ZNF536: variants seen among roughly 807,000 people sequenced by gnomAD.
The protein encoded by ZNF536 is zinc finger protein 536.
A neutral mutation model predicts 84.5 loss-of-function variants in ZNF536; 13 were observed. The ratio of observed to expected loss-of-function variants is 0.15; its 90% CI spans 0.10 to 0.24. ZNF536 has a LOEUF of 0.24. Ranked by LOEUF, ZNF536 falls within the 10% of genes least tolerant of loss-of-function variation. The pLI is 1.00. For missense variants in ZNF536, 1,536 were observed against 1,747.5 expected, an observed-to-expected ratio of 0.88 and a Z score of 2.16; for synonymous variants, 811 against 742.5, an observed-to-expected ratio of 1.09 and a Z score of -1.50.
At chr19:30,478,004 G>A (rs1020864750) in intron 2 of ZNF536, among the ~76,000 whole-genome samples, 5 of 152,082 alleles carry the variant, frequency 3.3e-5, no homozygotes, top group African/African-American at 9.7e-5. Context: ...GATTGAGGAC[G>A]GGGTGGGATC....
At chr19:30,420,111 A>T (rs147256218) in intron 1 of ZNF536, among the ~76,000 whole-genome samples, 35 of 152,308 alleles carry the variant, frequency 2.3e-4, no homozygotes, top group African/African-American at 8.4e-4. Flanking sequence ...GTCACGGGGA[A>T]CTGCTTGTGC....
At chr19:30,697,083 G>C (rs2051691937) in intron 1 of ZNF536, among the ~76,000 whole-genome samples, 2 of 152,200 alleles carry the variant, frequency 1.3e-5, no homozygotes, top group Non-Finnish European at 2.9e-5. Flanking sequence ...GAAACTTACA[G>C]TCATGGCGTA....
chr19:30,581,940 TAAAACAAAACAAAAAC>T (rs1467722326), intron 1 of ZNF536, among the ~76,000 whole-genome samples: 1 of 151,904 alleles, frequency 6.6e-6, no homozygotes, highest in African/African-American at 2.4e-5. Flanking sequence ...CTCCTCTGTG[TAAAACAAAACAAAAAC>T]AAAACAAAAC....
chr19:30,645,251 G>T (rs2049421465), intron 1 of ZNF536, among the ~76,000 whole-genome samples: 2 of 152,142 alleles, frequency 1.3e-5, no homozygotes, highest in Non-Finnish European at 2.9e-5. Context: ...GGAGTTCATT[G>T]TAGATTCTGG....
chr19:30,610,636 G>C (rs1380694851), intron 1 of ZNF536, among the ~76,000 whole-genome samples: 3 of 152,144 alleles, frequency 2.0e-5, no homozygotes, highest in Non-Finnish European at 4.4e-5. Context: ...GACAAACTCA[G>C]TTTCTAGGCT....
intron 1 of ZNF536, among the ~76,000 whole-genome samples, chr19:30,423,777 G>A (rs984786352): frequency 2.0e-5 from 3 of 152,236 alleles, no homozygotes; most frequent in East Asian, 1.9e-4. Context: ...AGCAAGGCTG[G>A]CAGTGACAGC....
chr19:30,352,014 A>G (rs2047947131), intron 2 of ZNF536, among the ~76,000 whole-genome samples: 1 of 152,234 alleles, frequency 6.6e-6, no homozygotes, highest in Admixed American at 6.5e-5. Flanking sequence ...CTTCAGGTGT[A>G]AATAGCATTA....
chr19:30,700,201 CTTCTTTCTTTCCTTCT>C (rs1205313526), intron 1 of ZNF536, among the ~76,000 whole-genome samples: 39 of 82,760 alleles, frequency 4.7e-4, no homozygotes, highest in African/African-American at 1.3e-3. Flanking sequence ...TCTTTCTTTC[CTTCTTTCTTTCCTTCT>C]TTCTTTCTTT....
chr19:30,698,765 C>T (rs748030463), intron 1 of ZNF536, among the ~76,000 whole-genome samples: 5 of 152,312 alleles, frequency 3.3e-5, no homozygotes, highest in South Asian at 4.1e-4. Flanking sequence ...GGTTTCTCCA[C>T]GGAAGTTACT....
intron 1 of ZNF536, among the ~76,000 whole-genome samples, chr19:30,416,059 C>T (rs1370911292): frequency 6.6e-6 from 1 of 152,158 alleles, no homozygotes; most frequent in Non-Finnish European, 1.5e-5. Flanking sequence ...TTCACATGAT[C>T]TTTCATGTCA....
At chr19:30,517,283 G>T (rs991921581) in intron 2 of ZNF536, among the ~76,000 whole-genome samples, 1 of 152,164 alleles carries the variant, frequency 6.6e-6, no homozygotes, top group Non-Finnish European at 1.5e-5. Flanking sequence ...TAGTCTGGAG[G>T]CTTCTGCCTT....
rs548828018 is a variant in ZNF536, at chr19:30,590,825, A to G, written c.169+41311A>G. Among the ~76,000 whole-genome samples the G allele has an allele frequency of 8.0e-4, 122 of 152,312 alleles. 1 individual carries two copies. Among genetic ancestry groups the G allele is most frequent in the African/African-American group, 2.6e-3 (107 of 41,580 alleles). On this transcript the variant is annotated intron_variant, in intron 1 of 1. Coordinates refer to the ZNF536 transcript ENST00000592773. ...TGTTTGTTTTCTGTGGTTCCCATTT[A>G]TAAAACAAAGCCTCTTAGATGTCCA...
intron 1 of ZNF536, among the ~76,000 whole-genome samples, chr19:30,396,422 A>G (rs907230811): frequency 2.6e-5 from 4 of 152,088 alleles, no homozygotes; most frequent in African/African-American, 7.2e-5. Flanking sequence ...GCTTTTGGCA[A>G]TTTCTTTAGA....
At chr19:30,682,083 A>G (rs2147830637) in intron 1 of ZNF536, among the ~76,000 whole-genome samples, 1 of 152,300 alleles carries the variant, frequency 6.6e-6, no homozygotes, top group East Asian at 1.9e-4. Flanking sequence ...TGGCCCAGGA[A>G]GGAGAACAAC....
intron 1 of ZNF536, among the ~76,000 whole-genome samples, chr19:30,575,227 A>G (rs1337322355): frequency 3.3e-5 from 5 of 152,256 alleles, no homozygotes; most frequent in Non-Finnish European, 5.9e-5. Flanking sequence ...GAAATGCACA[A>G]AAACAGCCAG....
chr19:30,445,833 G>T lies in ZNF536; in HGVS notation c.2170+101G>T. ...CCTCCAGTCAGTTCCAAGGCCAGTG[G>T]GTCTTGATTGAGGACAGGGGTGGGT... On this transcript the variant is annotated intron_variant, in intron 2 of 4. Coordinates refer to ENST00000355537, the MANE Select transcript of ZNF536 (RefSeq NM_014717.3). The surrounding 1 kb of genome is among the most constrained non-coding windows in gnomAD (Gnocchi z 4.5). 6.9e-7 allele frequency: 1 copy of T among 1,450,088 alleles called. No homozygotes were observed. Among genetic ancestry groups the T allele is most frequent in the Non-Finnish European group, 9.1e-7 (1 of 1,093,580 alleles). The allele number at this position is 1,450,088 out of a possible 1,614,324, so 89.8% of individuals were successfully genotyped here.
intron 1 of ZNF536, among the ~76,000 whole-genome samples, chr19:30,597,976 C>T (rs1197552091): frequency 6.6e-6 from 1 of 152,086 alleles, no homozygotes; most frequent in Non-Finnish European, 1.5e-5. Context: ...TTGTTGCATG[C>T]ATGTTGTTAT....
chr19:30,625,993 A>G (rs545399814), intron 1 of ZNF536, among the ~76,000 whole-genome samples: 49 of 152,318 alleles, frequency 3.2e-4, no homozygotes, highest in African/African-American at 1.2e-3. Flanking sequence ...TGTGGGCAAG[A>G]GGTTATATTG....
In ZNF536 at chr19:30,656,510, C is replaced by T. The variant is rs143433516; in HGVS notation, c.170-54247C>T. 2.2e-4 allele frequency among the ~76,000 whole-genome samples: 33 copies of T among 152,314 alleles called. 1 individual carries two copies. In the South Asian group the frequency reaches 3.3e-3, roughly 15 times the overall value. Reference sequence around the variant, plus strand: ...TCTCCCTGTGCCCTGTGCAACGATGCTCATGGAACTGTTGGCTGTCAATGT... The same window carrying T: ...TCTCCCTGTGCCCTGTGCAACGATGTTCATGGAACTGTTGGCTGTCAATGT... On this transcript the variant is annotated intron_variant, in intron 1 of 1. Coordinates refer to the ZNF536 transcript ENST00000592773.
Sources: allele counts gnomAD v4.1 joint callset (sites outside exome capture counted in the v4.1 genomes callset), GRCh38; gene constraint gnomAD v4.1.1; non-coding constraint Gnocchi (gnomAD v3.1); transcripts MANE v1.5; gene names NCBI Gene and HGNC (gene_info 2026-07-23, HGNC 2026-07-21).